Variants in MAP3K1 observed in about 807,000 individuals in gnomAD.
MAP3K1 encodes the protein MAP/ERK kinase kinase 1.
In MAP3K1, 36 loss-of-function variants were observed where a neutral mutation model predicts 144.2. The ratio of observed to expected loss-of-function variants is 0.25; its 90% CI spans 0.19 to 0.33. MAP3K1 has a LOEUF of 0.33. Ranked by LOEUF, MAP3K1 falls within the 10% of genes least tolerant of loss-of-function variation. The pLI is 1.00. For missense variants in MAP3K1, 1,650 were observed against 1,881.9 expected, an observed-to-expected ratio of 0.88 and a Z score of 2.28; for synonymous variants, 718 against 688.7, an observed-to-expected ratio of 1.04 and a Z score of -0.67.
At chr5:56,848,140 T>C (rs1747054768) in intron 1 of MAP3K1, among the ~76,000 whole-genome samples, 1 of 152,082 alleles carries the variant, frequency 6.6e-6, no homozygotes, top group Admixed American at 6.5e-5. Flanking sequence ...CTTTTAAGAA[T>C]GATTTGATAC....
At chr5:56,878,236 C>T (rs1184676371) in intron 10 of MAP3K1, among the ~76,000 whole-genome samples, 2 of 152,092 alleles carry the variant, frequency 1.3e-5, no homozygotes, top group Non-Finnish European at 2.9e-5. Flanking sequence ...GCAGTTATTA[C>T]TACACCATTA....
Position 56,881,602 on chromosome 5 carries a change from C to T in MAP3K1, c.2402C>T (p.Ala801Val). 1 of 1,613,788 alleles carries T rather than the reference C, an allele frequency of 6.2e-7. No individual in the cohort carries two copies. Among genetic ancestry groups the T allele is most frequent in the Non-Finnish European group, 8.5e-7 (1 of 1,179,844 alleles). The change falls in exon 14 of 20, where the codon GCT becomes GTT. Residue 801 changes from alanine (A) to valine (V), a missense_variant. This residue lies in a region of MAP3K1 where 841 missense variants were observed against 886.5 expected (regional missense o/e 0.95). Coordinates refer to ENST00000399503, the MANE Select transcript of MAP3K1 (RefSeq NM_005921.2). ...AAGCTGCTGTCCCTCTTAACCTTTGCTTTGCAGTCCATTGATAATTCCCAC... is the reference window on the plus strand; with the variant it reads ...AAGCTGCTGTCCCTCTTAACCTTTGTTTTGCAGTCCATTGATAATTCCCAC... ...YKKLLSLLTF[A>V]LQSIDNSHSM...
chr5:56,830,417 T>C (rs1482927749), intron 1 of MAP3K1, among the ~76,000 whole-genome samples: 1 of 152,226 alleles, frequency 6.6e-6, no homozygotes, highest in East Asian at 1.9e-4. Flanking sequence ...CACATACATA[T>C]ACTACCTACC....
chr5:56,830,693 T>C (rs1013706289), intron 1 of MAP3K1, among the ~76,000 whole-genome samples: 1 of 152,222 alleles, frequency 6.6e-6, no homozygotes, highest in African/African-American at 2.4e-5. Context: ...CTTTATACTT[T>C]GGATTACCTG....
At chr5:56,853,132 G>A (rs935701953) in intron 1 of MAP3K1, among the ~76,000 whole-genome samples, 9 of 152,132 alleles carry the variant, frequency 5.9e-5, no homozygotes, top group African/African-American at 1.7e-4. Flanking sequence ...GTGGTTGTAA[G>A]TTGTACCATT....
At position 56,893,579 on chromosome 5, in the gene MAP3K1, G is replaced by A. The variant is rs762909968; in HGVS notation, c.4438G>A (p.Gly1480Ser). 1 of 1,613,972 alleles carries A rather than the reference G, an allele frequency of 6.2e-7. No individual in the cohort carries two copies. The highest frequency in any genetic ancestry group is 2.2e-5 in the East Asian group (1 of 44,888). Reference protein sequence around the residue: ...APSIPSHLSPGLRDVALRCLE... With the variant: ...APSIPSHLSPSLRDVALRCLE... Reference sequence around the variant, plus strand: ...ATCGATCCCTTCACATTTGTCTCCTGGTTTACGAGATGTGGCTCTTCGTTG... The same window carrying A: ...ATCGATCCCTTCACATTTGTCTCCTAGTTTACGAGATGTGGCTCTTCGTTG... The change falls in exon 20 of 20, where the codon GGT becomes AGT. Residue 1480 changes from glycine to serine, a missense_variant. Gly to Ser is a moderately conservative substitution (Grantham distance 56). Around this residue, in one of 6 missense-constraint regions of MAP3K1, gnomAD observed 165 missense variants for 322.9 expected, o/e 0.51. Coordinates refer to ENST00000399503, the MANE Select transcript of MAP3K1 (RefSeq NM_005921.2).
chr5:56,848,281 T>C (rs1188925997), intron 1 of MAP3K1, among the ~76,000 whole-genome samples: 1 of 152,248 alleles, frequency 6.6e-6, no homozygotes, highest in East Asian at 1.9e-4. Flanking sequence ...TGAAGTTCTT[T>C]ACCTTTTCTC....
chr5:56,879,193 T>C, intron 11 of MAP3K1, 92 bp downstream of exon 11: 1 of 1,406,446 alleles, frequency 7.1e-7, no homozygotes, highest in East Asian at 2.3e-5. Flanking sequence ...CTGATACATT[T>C]TATTAAATGA....
intron 1 of MAP3K1, among the ~76,000 whole-genome samples, chr5:56,844,526 T>G (rs542021922): frequency 4.6e-5 from 7 of 152,230 alleles, no homozygotes; most frequent in African/African-American, 1.7e-4. Flanking sequence ...GAACATCTTT[T>G]GGCCTTCACC....
intron 6 of MAP3K1, 82 bp downstream of exon 6, chr5:56,866,059 G>A: frequency 8.9e-7 from 1 of 1,126,866 alleles, no homozygotes; most frequent in Non-Finnish European, 1.3e-6. Flanking sequence ...TACTTGTTAA[G>A]TTGCTCTAAA....
intron 14 of MAP3K1, 50 bp downstream of exon 14, chr5:56,882,916 C>CA: frequency 7.0e-7 from 1 of 1,421,360 alleles, no homozygotes; most frequent in Non-Finnish European, 9.8e-7. Flanking sequence ...GGGCTGGGCA[C>CA]AGTGACTCAT....
chr5:56,864,255 C>G (rs1747606044), intron 3 of MAP3K1, among the ~76,000 whole-genome samples: 1 of 152,090 alleles, frequency 6.6e-6, no homozygotes, highest in Non-Finnish European at 1.5e-5. Context: ...AAAAGTTCAC[C>G]TGAGATGAGT....
At chr5:56,836,693 G>C (rs1168490903) in intron 1 of MAP3K1, among the ~76,000 whole-genome samples, 1 of 152,062 alleles carries the variant, frequency 6.6e-6, no homozygotes, top group Admixed American at 6.6e-5. Context: ...ATATTATGAT[G>C]GCAGAGTTGT....
At chr5:56,887,806 A>C in intron 18 of MAP3K1, 1 of 478,640 alleles carries the variant, frequency 2.1e-6, no homozygotes, top group East Asian at 4.0e-5. Flanking sequence ...CAAAGTGCAC[A>C]TAAGAAATTT....
chr5:56,875,425 ATTTTAT>A, intron 10 of MAP3K1, 115 bp downstream of exon 10: 1 of 1,098,760 alleles, frequency 9.1e-7, no homozygotes, highest in South Asian at 1.4e-5. Context: ...GAAAATCCAA[ATTTTAT>A]TTTTATTCCA....
At position 56,882,379 on chromosome 5, in the gene MAP3K1, C is replaced by A; in HGVS notation, c.3179C>A (p.Pro1060Gln). Residue 1060 changes from proline to glutamine, a missense_variant, in exon 14 of 20, where the codon CCA becomes CAA. Transcript: ENST00000399503. Reference sequence around the variant, plus strand: ...TTGCCCTCCAGTAACATACACAGGCCAAAGCCATCTAGACCTACCCCAGGT... The same window carrying A: ...TTGCCCTCCAGTAACATACACAGGCAAAAGCCATCTAGACCTACCCCAGGT... ...RPLPSSNIHR[P>Q]KPSRPTPGNT... 1 of 1,614,114 alleles carries A rather than the reference C, an allele frequency of 6.2e-7. No homozygotes were observed. The highest frequency in any genetic ancestry group is 8.5e-7 in the Non-Finnish European group (1 of 1,180,006).
rs1003546323 is a variant in MAP3K1 at position 56,886,065 on chromosome 5, T to C, written c.4114+2T>C. 1.2e-6 allele frequency: 2 copies of C among 1,611,052 alleles called. No individual in the cohort carries two copies. The highest frequency in any genetic ancestry group is 2.7e-5 in the African/African-American group (2 of 74,822). ...AAATCATTCACAGAGATGTCAAAGG[T>C]GAGAATTCTTCTAATTATTATCTAG... On this transcript the variant is annotated splice_donor_variant, in intron 17 of 19. Coordinates refer to ENST00000399503, the MANE Select transcript of MAP3K1 (RefSeq NM_005921.2). LOFTEE classifies it high-confidence loss of function.
intron 1 of MAP3K1, among the ~76,000 whole-genome samples, chr5:56,840,050 C>T (rs141074800): frequency 7.2e-5 from 11 of 152,274 alleles, no homozygotes; most frequent in African/African-American, 2.6e-4. Flanking sequence ...CATCAATTGG[C>T]CTATGGTAAA....
rs56279792 is a variant in MAP3K1, at chr5:56,859,801, G to A, written c.720G>A (p.Ala240=). 1,854 of 1,613,972 alleles carry A rather than the reference G, an allele frequency of 1.1e-3. 7 individuals are homozygous for A. In the African/African-American group the frequency reaches 0.017, roughly 15 times the overall value. Residue 240 remains alanine (A), a synonymous_variant, in exon 3 of 20, where the codon GCG becomes GCA. Coordinates refer to ENST00000399503, the MANE Select transcript of MAP3K1 (RefSeq NM_005921.2). The stretch of plus-strand genomic sequence containing the variant: ...CTCCAGGAGAGGTCCAGGCAAGTGC[G>A]GCTTCACCAGCTTCCAAAGGCCGAC... The part of the protein sequence containing the change: ...AESPGEVQAS[A]ASPASKGRRS...
Sources: gnomAD v4.1 joint callset for allele counts (sites outside exome capture counted in the v4.1 genomes callset) on GRCh38, gnomAD v4.1.1 for gene constraint, gnomAD v4.1.1 regional missense constraint, MANE v1.5 for transcripts, NCBI Gene and HGNC (gene_info 2026-07-23, HGNC 2026-07-21) for gene names.